The following ZDHHC14 variants were observed in gnomAD, a reference collection of about 807,000 sequenced individuals.
ZDHHC14 encodes palmitoyltransferase ZDHHC14.
A neutral mutation model predicts 47.7 loss-of-function variants in ZDHHC14; 16 were observed. The ratio of observed to expected loss-of-function variants is 0.34; its 90% CI spans 0.23 to 0.51. The LOEUF is 0.51. Ranked by LOEUF, ZDHHC14 falls within the 20% of genes least tolerant of loss-of-function variation. The pLI, the probability that ZDHHC14 is intolerant of heterozygous loss-of-function variation, is 0.97. For synonymous variants in ZDHHC14, 293 were observed against 278.9 expected, an observed-to-expected ratio of 1.05 and a Z score of -0.50; for missense variants, 515 against 662.5, an observed-to-expected ratio of 0.78 and a Z score of 2.44.
At chr6:157,544,075 T>C (rs952554647) in intron 2 of ZDHHC14, among the ~76,000 whole-genome samples, 1 of 152,228 alleles carries the variant, frequency 6.6e-6, no homozygotes, top group Admixed American at 6.5e-5. Context: ...GTGGCAGAAC[T>C]GGAGCCTAGA....
At chr6:157,671,022 G>A (rs6915319) in intron 8 of ZDHHC14, among the ~76,000 whole-genome samples, 47,190 of 151,950 alleles carry the variant, frequency 0.31, 7,688 homozygotes, top group African/African-American at 0.39. Context: ...TCAAGGCTGC[G>A]TTGTGCATGT....
intron 1 of ZDHHC14, among the ~76,000 whole-genome samples, chr6:157,392,305 C>T (rs938618474): frequency 6.6e-6 from 1 of 152,056 alleles, no homozygotes; most frequent in African/African-American, 2.4e-5. Context: ...TATCATAGAT[C>T]TTCATCTCCT....
At position 157,654,931 on chromosome 6, in the gene ZDHHC14, C is replaced by T. The variant is rs549701838; in HGVS notation, c.1068+1304C>T. Among the ~76,000 whole-genome samples the T allele has an allele frequency of 2.6e-5, 4 of 152,202 alleles. No individual in the cohort carries two copies. The South Asian group carries it at 6.2e-4, about 24-fold the overall frequency. ...TGTATTTTTAGTAGAGACAGGGCTT[C>T]GCTATGTTGGCCAGGCTGGTCTCGA... is the stretch of plus-strand genomic sequence containing the variant. On this transcript the variant is annotated intron_variant, in intron 8 of 8. Transcript: ENST00000359775.
intron 1 of ZDHHC14, among the ~76,000 whole-genome samples, chr6:157,452,359 C>T (rs1342629677): frequency 6.6e-6 from 1 of 152,092 alleles, no homozygotes; most frequent in Non-Finnish European, 1.5e-5. Context: ...TACCCAGCTA[C>T]AACCTGAAAT....
intron 1 of ZDHHC14, among the ~76,000 whole-genome samples, chr6:157,540,902 G>A (rs534195677): frequency 1.6e-5 from 2 of 126,080 alleles, no homozygotes; most frequent in African/African-American, 9.1e-5. Flanking sequence ...GTGTGTGTGT[G>A]TGTGTGTGTA....
At chr6:157,639,554 G>A (rs749175844) in intron 5 of ZDHHC14, among the ~76,000 whole-genome samples, 5 of 152,054 alleles carry the variant, frequency 3.3e-5, no homozygotes, top group South Asian at 2.1e-4. Flanking sequence ...GATCCACCTC[G>A]GCCTCCCAAA....
At chr6:157,655,256 C>T (rs930133805) in intron 8 of ZDHHC14, among the ~76,000 whole-genome samples, 10 of 152,248 alleles carry the variant, frequency 6.6e-5, no homozygotes, top group South Asian at 4.2e-4. Context: ...GTGTTCAGGG[C>T]GCGTGGTGGT....
At chr6:157,466,576 G>A (rs1466005267) in intron 1 of ZDHHC14, among the ~76,000 whole-genome samples, 2 of 152,134 alleles carry the variant, frequency 1.3e-5, no homozygotes, top group Non-Finnish European at 2.9e-5. Flanking sequence ...GGTGGCTCAC[G>A]CCTGTGATCC....
chr6:157,559,355 G>A (rs890299347), intron 2 of ZDHHC14, among the ~76,000 whole-genome samples: 4 of 152,330 alleles, frequency 2.6e-5, no homozygotes, highest in East Asian at 1.9e-4. Flanking sequence ...TGGCTGACGC[G>A]CTCTTCTCCA....
chr6:157,494,252 G>C (rs1444869636), intron 1 of ZDHHC14, among the ~76,000 whole-genome samples: 1 of 152,206 alleles, frequency 6.6e-6, no homozygotes, highest in Non-Finnish European at 1.5e-5. Context: ...ACTGTGAAGT[G>C]CTGGGCCCTC....
At chr6:157,382,427 C>G (rs1777233112) in intron 1 of ZDHHC14, among the ~76,000 whole-genome samples, 161 bp downstream of exon 1, 1 of 152,118 alleles carries the variant, frequency 6.6e-6, no homozygotes, top group South Asian at 2.1e-4. Context: ...GGTCTGATTG[C>G]TTTTGGGCCC....
At chr6:157,658,147 C>T (rs1398023092) in intron 8 of ZDHHC14, among the ~76,000 whole-genome samples, 1 of 152,104 alleles carries the variant, frequency 6.6e-6, no homozygotes, top group Non-Finnish European at 1.5e-5. Context: ...CCTCTTGGAG[C>T]AACCGGAAAA....
chr6:157,559,951 T>C (rs150230210), intron 2 of ZDHHC14, among the ~76,000 whole-genome samples: 5,263 of 152,182 alleles, frequency 0.035, 124 homozygotes, highest in Non-Finnish European at 0.055. Context: ...AAAATAAACA[T>C]GAAGATGTTC....
chr6:157,590,877 C>T (rs141374538), intron 2 of ZDHHC14, among the ~76,000 whole-genome samples: 2,292 of 152,324 alleles, frequency 0.015, 35 homozygotes, highest in African/African-American at 0.042. Context: ...AGTCATAGGG[C>T]GGAGCTGCCC....
intron 5 of ZDHHC14, among the ~76,000 whole-genome samples, chr6:157,635,724 G>A (rs1262823719): frequency 6.6e-6 from 1 of 152,238 alleles, no homozygotes; most frequent in African/African-American, 2.4e-5. Context: ...GCACAGACCG[G>A]TGCTGCTGTT....
intron 1 of ZDHHC14, among the ~76,000 whole-genome samples, chr6:157,408,819 C>T (rs1777817690): frequency 6.6e-6 from 1 of 152,162 alleles, no homozygotes; most frequent in South Asian, 2.1e-4. Context: ...TCGATATATA[C>T]CCAGTAATGG....
At chr6:157,511,204 T>C (rs1268501177) in intron 1 of ZDHHC14, among the ~76,000 whole-genome samples, 1 of 152,196 alleles carries the variant, frequency 6.6e-6, no homozygotes, top group Non-Finnish European at 1.5e-5. Context: ...GCTGGCGGGC[T>C]GCTTATTGCG....
chr6:157,410,834 T>A (rs1043989977), intron 1 of ZDHHC14, among the ~76,000 whole-genome samples: 1 of 152,114 alleles, frequency 6.6e-6, no homozygotes, highest in African/African-American at 2.4e-5. Context: ...GTAGCTGGGA[T>A]TACAGGCACA....
chr6:157,604,838 C>G (rs1784473560), intron 3 of ZDHHC14, among the ~76,000 whole-genome samples: 1 of 152,208 alleles, frequency 6.6e-6, no homozygotes, highest in Non-Finnish European at 1.5e-5. Flanking sequence ...GCCACCATGC[C>G]CAGCCCTACA....
Sources: allele counts gnomAD v4.1 joint callset (sites outside exome capture counted in the v4.1 genomes callset), GRCh38; gene constraint gnomAD v4.1.1; transcripts MANE v1.5; gene names NCBI Gene and HGNC (gene_info 2026-07-23, HGNC 2026-07-21).